Variants in KCNH1 observed in about 807,000 individuals in gnomAD.
KCNH1 encodes the protein potassium voltage-gated channel subfamily H member 1.
KCNH1 carries 27 observed loss-of-function variants against 69.2 expected under a neutral mutation model. That is an observed-to-expected ratio of 0.39 (90% confidence interval 0.29 to 0.54). The LOEUF (loss-of-function observed/expected upper bound fraction) is 0.54, where lower values mean the gene tolerates loss of function less well. Ranked by LOEUF, KCNH1 falls within the 20% of genes least tolerant of loss-of-function variation. KCNH1 has a pLI of 0.68. For missense variants in KCNH1, 798 were observed against 1,261.6 expected, an observed-to-expected ratio of 0.63 and a Z score of 5.57; for synonymous variants, 456 against 487.7, an observed-to-expected ratio of 0.93 and a Z score of 0.86.
chr1:210,961,251 AT>A (rs534405823), intron 6 of KCNH1, among the ~76,000 whole-genome samples: 124 of 148,650 alleles, frequency 8.3e-4, no homozygotes, highest in South Asian at 7.4e-3. Flanking sequence ...CGACTTGCAA[AT>A]TTTTTTTTTT....
intron 10 of KCNH1, among the ~76,000 whole-genome samples, chr1:210,736,352 C>T (rs767273021): frequency 6.6e-6 from 1 of 152,052 alleles, no homozygotes; most frequent in Non-Finnish European, 1.5e-5. Flanking sequence ...AGTTCGAGAC[C>T]AGCCTGACCA....
chr1:211,091,521 A>G (rs1472758711), intron 3 of KCNH1, among the ~76,000 whole-genome samples: 2 of 152,194 alleles, frequency 1.3e-5, no homozygotes, highest in Non-Finnish European at 2.9e-5. Context: ...AAAAGATCCA[A>G]TACAATGGTA....
chr1:211,067,749 G>C (rs910680704), intron 5 of KCNH1, among the ~76,000 whole-genome samples: 5 of 152,194 alleles, frequency 3.3e-5, no homozygotes, highest in Non-Finnish European at 7.3e-5. Context: ...GTAGCAGGGG[G>C]CTAGGAAGAA....
chr1:210,975,933 A>G (rs888820856), intron 6 of KCNH1, among the ~76,000 whole-genome samples: 1 of 152,172 alleles, frequency 6.6e-6, no homozygotes, highest in Admixed American at 6.6e-5. Context: ...ATCAAAAAGT[A>G]GGCGAAGGAT....
At chr1:211,020,241 C>T (rs944664908) in intron 5 of KCNH1, among the ~76,000 whole-genome samples, 4 of 151,180 alleles carry the variant, frequency 2.6e-5, no homozygotes, top group African/African-American at 9.7e-5. Flanking sequence ...TTTAAAAAAA[C>T]CCAAACCTAT....
intron 7 of KCNH1, among the ~76,000 whole-genome samples, chr1:210,833,340 G>A (rs1339451304): frequency 2.0e-5 from 3 of 151,962 alleles, no homozygotes; most frequent in Non-Finnish European, 4.4e-5. Context: ...ACAGAGATAT[G>A]GATCAATGGA....
In KCNH1 at chr1:210,859,573, T is replaced by A. The variant is rs896435939; in HGVS notation, c.1463-55407A>T. ...TTCTTTCCCATCTTCATCAATATCA[T>A]CTTCATCACTCCCCAGTTCCTCGGT... On this transcript the variant is annotated intron_variant, in intron 7 of 10. Coordinates refer to ENST00000271751, the MANE Select transcript of KCNH1 (RefSeq NM_172362.3). The A allele has an allele frequency of 7.1e-5, 110 of 1,552,596 alleles. No individual in the cohort carries two copies. In the African/African-American group the frequency reaches 1.4e-3, roughly 20 times the overall value.
intron 7 of KCNH1, among the ~76,000 whole-genome samples, chr1:210,838,628 C>A (rs981045139): frequency 6.6e-6 from 1 of 152,056 alleles, no homozygotes; most frequent in Non-Finnish European, 1.5e-5. Context: ...AGAGTAAACA[C>A]AACCTATAGA....
At chr1:211,099,120 TA>T (rs1438949258) in intron 3 of KCNH1, among the ~76,000 whole-genome samples, 2 of 152,210 alleles carry the variant, frequency 1.3e-5, no homozygotes, top group African/African-American at 4.8e-5. Flanking sequence ...AAATTCTTTC[TA>T]AATTATATTT....
At chr1:210,722,011 A>G (rs1405621225) in intron 10 of KCNH1, among the ~76,000 whole-genome samples, 2 of 152,098 alleles carry the variant, frequency 1.3e-5, no homozygotes, top group Non-Finnish European at 2.9e-5. Flanking sequence ...TCCACTGCCA[A>G]TCAATCCACC....
chr1:210,937,771 C>CT (rs756809134), intron 6 of KCNH1, among the ~76,000 whole-genome samples: 55 of 152,080 alleles, frequency 3.6e-4, no homozygotes, highest in Middle Eastern at 3.2e-3. Context: ...ACCTTTTTTC[C>CT]TCCTTATATT....
chr1:211,060,400 C>CAAAAAAAAAAA (rs60620622), intron 5 of KCNH1, among the ~76,000 whole-genome samples: 521 of 44,388 alleles, frequency 0.012, 2 homozygotes, highest in African/African-American at 0.02. Context: ...GACTCCGTCT[C>CAAAAAAAAAAA]AAAAAAAAAA....
chr1:210,752,303 G>T (rs1384949513), intron 10 of KCNH1, among the ~76,000 whole-genome samples: 3 of 152,168 alleles, frequency 2.0e-5, no homozygotes, highest in African/African-American at 7.2e-5. Context: ...AACTCCTTGG[G>T]TATCACTTAC....
chr1:211,058,083 A>T (rs1480886710), intron 5 of KCNH1, among the ~76,000 whole-genome samples: 2 of 152,216 alleles, frequency 1.3e-5, no homozygotes, highest in African/African-American at 4.8e-5. Context: ...GAAGGAAAAA[A>T]TTTCTTATCC....
At chr1:211,099,209 G>A (rs370257655) in intron 3 of KCNH1, among the ~76,000 whole-genome samples, 4 of 151,816 alleles carry the variant, frequency 2.6e-5, no homozygotes, top group Admixed American at 6.6e-5. Flanking sequence ...TATACAAGTC[G>A]AAATCTCCAT....
At chr1:210,987,085 A>C (rs1390593665) in intron 6 of KCNH1, among the ~76,000 whole-genome samples, 3 of 152,150 alleles carry the variant, frequency 2.0e-5, no homozygotes, top group Non-Finnish European at 4.4e-5. Context: ...TCAGCTACCG[A>C]GGCTTGTGCA....
At chr1:211,090,132 G>A (rs1691026675) in intron 4 of KCNH1, among the ~76,000 whole-genome samples, 1 of 152,190 alleles carries the variant, frequency 6.6e-6, no homozygotes, top group African/African-American at 2.4e-5. Context: ...GCAAAGATGT[G>A]CTAAAGTCCG....
chr1:210,765,977 T>G (rs1250142271), intron 10 of KCNH1, among the ~76,000 whole-genome samples: 1 of 151,236 alleles, frequency 6.6e-6, no homozygotes, highest in Non-Finnish European at 1.5e-5. Context: ...GCAGGAGAAT[T>G]GCTTGAACCC....
chr1:210,717,341 A>G (rs530236556), intron 10 of KCNH1, among the ~76,000 whole-genome samples: 1 of 152,246 alleles, frequency 6.6e-6, no homozygotes, highest in Non-Finnish European at 1.5e-5. Context: ...GGATCAGGAT[A>G]TGAATGCACT....
Sources: allele counts gnomAD v4.1 joint callset (sites outside exome capture counted in the v4.1 genomes callset), GRCh38; gene constraint gnomAD v4.1.1; transcripts MANE v1.5; gene names NCBI Gene and HGNC (gene_info 2026-07-23, HGNC 2026-07-21).